Variants in LMO7 observed in about 807,000 individuals in gnomAD.
The protein encoded by LMO7 is LIM domain only protein 7.
A neutral mutation model predicts 206.5 loss-of-function variants in LMO7; 120 were observed. The ratio of observed to expected loss-of-function variants is 0.58; its 90% CI spans 0.50 to 0.68. LMO7 has a LOEUF of 0.68. Among genes scored for constraint, LMO7 ranks in the 30% least tolerant of loss-of-function variants. The pLI, the probability that LMO7 is intolerant of heterozygous loss-of-function variation, is 0.00. For missense variants in LMO7, 1,959 were observed against 1,957.9 expected (o/e 1.00, Z -0.01); for synonymous variants, 706 against 681.5 (o/e 1.04, Z -0.56).
chr13:75,659,042 C>A (rs937119254), intron 1 of LMO7, among the ~76,000 whole-genome samples: 50 of 109,072 alleles, frequency 4.6e-4, no homozygotes, highest in African/African-American at 1.3e-3. Context: ...TATCTCTTTC[C>A]TTCCACTCAT....
intron 3 of LMO7, among the ~76,000 whole-genome samples, chr13:75,739,829 CTGTT>C (rs1204932083): frequency 2.0e-5 from 3 of 152,156 alleles, no homozygotes; most frequent in East Asian, 3.9e-4. Flanking sequence ...TGCCATGACT[CTGTT>C]TGTCCTATCC....
chr13:75,704,116 A>T (rs1485271952), intron 1 of LMO7, among the ~76,000 whole-genome samples: 1 of 152,174 alleles, frequency 6.6e-6, no homozygotes, highest in Non-Finnish European at 1.5e-5. Flanking sequence ...TAATTGATTG[A>T]CAGCTTTAGA....
intron 1 of LMO7, among the ~76,000 whole-genome samples, chr13:75,644,630 TA>T (rs2139052122): frequency 6.6e-6 from 1 of 152,320 alleles, no homozygotes; most frequent in Admixed American, 6.5e-5. Flanking sequence ...CCAACAGATA[TA>T]TTTTTTTCTT....
chr13:75,770,934 G>C (rs1164548152), intron 4 of LMO7, among the ~76,000 whole-genome samples: 3 of 152,070 alleles, frequency 2.0e-5, no homozygotes, highest in African/African-American at 7.2e-5. Flanking sequence ...TTGCCTGCAT[G>C]CTTGTGCTTC....
chr13:75,670,737 A>G (rs1377627443), intron 1 of LMO7, among the ~76,000 whole-genome samples: 1 of 152,180 alleles, frequency 6.6e-6, no homozygotes, highest in Non-Finnish European at 1.5e-5. Flanking sequence ...ATTACTGTAC[A>G]CTGCTGCAGA....
chr13:75,772,732 A>G (rs987645283), intron 4 of LMO7, among the ~76,000 whole-genome samples: 7 of 152,160 alleles, frequency 4.6e-5, no homozygotes, highest in African/African-American at 1.4e-4. Context: ...AGACATGGTA[A>G]TAAGGAAGTT....
chr13:75,737,795 A>T (rs868222014), intron 3 of LMO7, among the ~76,000 whole-genome samples: 6 of 127,100 alleles, frequency 4.7e-5, no homozygotes, highest in Non-Finnish European at 8.6e-5. Flanking sequence ...AAAAAAAAAA[A>T]AAAAAACTTT....
At chr13:75,634,767 G>A (rs921539922), upstream of LMO7, among the ~76,000 whole-genome samples, 3 of 151,466 alleles carry the variant, frequency 2.0e-5, no homozygotes, top group South Asian at 6.2e-4. Flanking sequence ...CAAGAACTTT[G>A]GGAGGCCGAG....
chr13:75,663,432 C>CTTTCTTTCTTTTTTT (rs1555289857), intron 1 of LMO7, among the ~76,000 whole-genome samples: 1 of 111,408 alleles, frequency 9.0e-6, no homozygotes, highest in African/African-American at 3.8e-5. Context: ...TTCTTTCTTT[C>CTTTCTTTCTTTTTTT]TTTTTTTTTT....
At chr13:75,698,623 G>A (rs1403224897) in intron 1 of LMO7, among the ~76,000 whole-genome samples, 3 of 150,610 alleles carry the variant, frequency 2.0e-5, no homozygotes, top group African/African-American at 7.3e-5. Flanking sequence ...TTTTTTCGGG[G>A]AGGGGTAGGC....
upstream of LMO7, among the ~76,000 whole-genome samples, chr13:75,633,811 A>G (rs1054513730): frequency 1.7e-4 from 18 of 108,138 alleles, no homozygotes; most frequent in African/African-American, 5.9e-4. Flanking sequence ...CATTATGTTT[A>G]TTTATGTTTA....
intron 11 of LMO7, 75 bp from the exon 12 acceptor site, chr13:75,817,086 T>G: frequency 9.8e-7 from 1 of 1,016,762 alleles, no homozygotes; most frequent in Non-Finnish European, 1.5e-6. Flanking sequence ...TTTCCAAATT[T>G]AACTCCAACC....
chr13:75,625,982 T>G (rs1326728984), intron 2 of LMO7, among the ~76,000 whole-genome samples: 1 of 152,198 alleles, frequency 6.6e-6, no homozygotes, highest in Non-Finnish European at 1.5e-5. Context: ...AGAACTTCAT[T>G]TCATAGCTGT....
At chr13:75,759,957 C>T (rs2048015830) in intron 3 of LMO7, among the ~76,000 whole-genome samples, 1 of 152,116 alleles carries the variant, frequency 6.6e-6, no homozygotes, top group African/African-American at 2.4e-5. Flanking sequence ...TGTTGGCATG[C>T]TGGGAGGCCA....
chr13:75,656,407 G>T (rs1255048560), intron 1 of LMO7, among the ~76,000 whole-genome samples: 7 of 152,142 alleles, frequency 4.6e-5, no homozygotes, highest in Non-Finnish European at 1.0e-4. Flanking sequence ...TCGTATTTTT[G>T]CCCTTCTACC....
chr13:75,715,336 T>G (rs1308700070), intron 2 of LMO7, among the ~76,000 whole-genome samples: 2 of 152,246 alleles, frequency 1.3e-5, no homozygotes, highest in East Asian at 3.8e-4. Flanking sequence ...ATGTAATTTC[T>G]ACCTTAATGG....
intron 1 of LMO7, among the ~76,000 whole-genome samples, chr13:75,640,203 A>AT (rs1166586104): frequency 1.9e-3 from 1 of 534 alleles, no homozygotes; most frequent in East Asian, 0.056. Context: ...TTGTAATACA[A>AT]TTTTTAACAA....
chr13:75,792,804 A>G (rs2053485663), intron 4 of LMO7, among the ~76,000 whole-genome samples: 2 of 152,194 alleles, frequency 1.3e-5, no homozygotes, highest in South Asian at 4.1e-4. Flanking sequence ...TGGCTGGCCT[A>G]TGTATCATGT....
intron 3 of LMO7, among the ~76,000 whole-genome samples, chr13:75,739,768 T>G (rs965341748): frequency 6.6e-6 from 1 of 152,180 alleles, no homozygotes; most frequent in Non-Finnish European, 1.5e-5. Flanking sequence ...CTGTATAATT[T>G]AAATATTTCT....
Sources: gnomAD v4.1 joint callset for allele counts (sites outside exome capture counted in the v4.1 genomes callset) on GRCh38, gnomAD v4.1.1 for gene constraint, MANE v1.5 for transcripts, NCBI Gene and HGNC (gene_info 2026-07-23, HGNC 2026-07-21) for gene names.